The following SPOCK1 variants were observed in gnomAD, a reference collection of about 807,000 sequenced individuals.
SPOCK1 encodes the protein SPARC (osteonectin), cwcv and kazal like domains proteoglycan 1.
Under a neutral mutation model 55.3 loss-of-function variants are expected in SPOCK1, and 23 were observed. That is an observed-to-expected ratio of 0.42 (90% CI 0.30 to 0.59). The LOEUF (loss-of-function observed/expected upper bound fraction) is 0.59. Among genes scored for constraint, SPOCK1 ranks in the 20% least tolerant of loss-of-function variants. SPOCK1 has a pLI of 0.22. For missense variants in SPOCK1, 499 were observed against 552.5 expected (o/e 0.90, Z 0.97); for synonymous variants, 226 against 221.0 (o/e 1.02, Z -0.20).
chr5:137,450,536 T>G (rs1311958636), intron 2 of SPOCK1, among the ~76,000 whole-genome samples: 2 of 152,172 alleles, frequency 1.3e-5, no homozygotes, highest in Non-Finnish European at 2.9e-5. Context: ...CGCATTCACA[T>G]AGGGCCCATG....
At chr5:137,031,301 G>A (rs1372944700) in intron 6 of SPOCK1, among the ~76,000 whole-genome samples, 4 of 152,122 alleles carry the variant, frequency 2.6e-5, no homozygotes, top group Admixed American at 2.6e-4. Flanking sequence ...ACTAAAGTTA[G>A]GTCTGCCCTG....
chr5:137,060,083 C>A (rs894014851), intron 6 of SPOCK1, among the ~76,000 whole-genome samples: 6 of 152,226 alleles, frequency 3.9e-5, no homozygotes, highest in African/African-American at 1.4e-4. Context: ...TTTGACCCAA[C>A]AATCCCATTA....
intron 2 of SPOCK1, among the ~76,000 whole-genome samples, chr5:137,314,283 A>G (rs1006882953): frequency 6.6e-6 from 1 of 152,188 alleles, no homozygotes; most frequent in African/African-American, 2.4e-5. Context: ...CTCACATGAT[A>G]CTGGGACAAT....
intron 3 of SPOCK1, among the ~76,000 whole-genome samples, chr5:137,234,215 C>T (rs1485082324): frequency 6.6e-6 from 1 of 152,188 alleles, no homozygotes; most frequent in African/African-American, 2.4e-5. Context: ...TGGCCTCTCT[C>T]AGTAGAGGAC....
At chr5:136,986,288 G>T (rs1256880292) in intron 8 of SPOCK1, among the ~76,000 whole-genome samples, 2 of 152,060 alleles carry the variant, frequency 1.3e-5, no homozygotes, top group Admixed American at 1.3e-4. Flanking sequence ...GTCCCATGTG[G>T]CCAGGTGACC....
chr5:137,450,750 G>A (rs181278805), intron 2 of SPOCK1, among the ~76,000 whole-genome samples: 3 of 151,958 alleles, frequency 2.0e-5, no homozygotes, highest in Non-Finnish European at 2.9e-5. Flanking sequence ...CCTATTACCT[G>A]GGCTTGAAGT....
intron 2 of SPOCK1, among the ~76,000 whole-genome samples, chr5:137,398,402 A>G (rs1751901842): frequency 6.6e-6 from 1 of 152,220 alleles, no homozygotes; most frequent in Admixed American, 6.5e-5. Flanking sequence ...GGAAAAGCAG[A>G]ATGTAATGTG....
At chr5:137,051,343 C>T (rs568405134) in intron 6 of SPOCK1, among the ~76,000 whole-genome samples, 12 of 152,302 alleles carry the variant, frequency 7.9e-5, no homozygotes, top group African/African-American at 2.6e-4. Flanking sequence ...GCATGTCTTA[C>T]AGAGTAAGGG....
intron 6 of SPOCK1, among the ~76,000 whole-genome samples, chr5:137,020,233 A>G (rs1353512368): frequency 6.6e-6 from 1 of 151,892 alleles, no homozygotes; most frequent in Admixed American, 6.6e-5. Context: ...CCAGACAACC[A>G]AGACAAAAAG....
chr5:137,101,938 G>A (rs1753273510), intron 5 of SPOCK1, among the ~76,000 whole-genome samples: 1 of 152,158 alleles, frequency 6.6e-6, no homozygotes, highest in African/African-American at 2.4e-5. Context: ...CAACATGTCT[G>A]GGATAAAAAC....
chr5:137,135,972 C>T (rs1003869482), intron 4 of SPOCK1, among the ~76,000 whole-genome samples: 2 of 152,188 alleles, frequency 1.3e-5, no homozygotes, highest in Non-Finnish European at 2.9e-5. Context: ...TCTTTAAATG[C>T]ACATATGCTT....
At chr5:137,378,532 A>C (rs1243189647) in intron 2 of SPOCK1, among the ~76,000 whole-genome samples, 1 of 152,278 alleles carries the variant, frequency 6.6e-6, no homozygotes, top group Non-Finnish European at 1.5e-5. Context: ...AGATACGCTA[A>C]TGAACCCAAA....
At chr5:137,249,993 G>A (rs1238482886) in intron 3 of SPOCK1, among the ~76,000 whole-genome samples, 1 of 152,050 alleles carries the variant, frequency 6.6e-6, no homozygotes, top group Non-Finnish European at 1.5e-5. Context: ...GTAAATCAGG[G>A]GTCAATAATC....
At chr5:137,469,517 T>C (rs943716606) in intron 2 of SPOCK1, among the ~76,000 whole-genome samples, 1 of 152,074 alleles carries the variant, frequency 6.6e-6, no homozygotes, top group African/African-American at 2.4e-5. Context: ...GGAGATCCCA[T>C]GGTAAGTTTG....
chr5:137,185,381 A>C (rs1334707312), intron 3 of SPOCK1, among the ~76,000 whole-genome samples: 1 of 152,198 alleles, frequency 6.6e-6, no homozygotes, highest in African/African-American at 2.4e-5. Context: ...ACCACCTGTC[A>C]CCAGAGCTGA....
chr5:137,105,440 TG>T (rs1753345416), intron 5 of SPOCK1, among the ~76,000 whole-genome samples: 1 of 152,172 alleles, frequency 6.6e-6, no homozygotes, highest in African/African-American at 2.4e-5. Flanking sequence ...ATGCCTGACA[TG>T]GTCACAAGGT....
chr5:137,102,146 T>C (rs558842044), intron 5 of SPOCK1, among the ~76,000 whole-genome samples: 4 of 152,100 alleles, frequency 2.6e-5, no homozygotes, highest in African/African-American at 9.7e-5. Context: ...TCCCACTTCT[T>C]CTGCTGAAAA....
chr5:137,035,384 G>A (rs922453393), intron 6 of SPOCK1, among the ~76,000 whole-genome samples: 7 of 152,312 alleles, frequency 4.6e-5, no homozygotes, highest in South Asian at 2.1e-4. Context: ...CAGAGACTCC[G>A]ATTTGCAAGG....
intron 2 of SPOCK1, among the ~76,000 whole-genome samples, chr5:137,464,059 G>A (rs1580941385): frequency 6.6e-6 from 1 of 152,230 alleles, no homozygotes; most frequent in Admixed American, 6.5e-5. Context: ...AGCACTTTGG[G>A]AGGCCAAGGA....
Sources: gnomAD v4.1 joint callset for allele counts (sites outside exome capture counted in the v4.1 genomes callset) on GRCh38, gnomAD v4.1.1 for gene constraint, MANE v1.5 for transcripts, NCBI Gene and HGNC (gene_info 2026-07-23, HGNC 2026-07-21) for gene names.